Variants in COL14A1 observed in about 807,000 individuals in gnomAD.
COL14A1 encodes the protein collagen alpha-1(XIV) chain.
In COL14A1, 136 loss-of-function variants were observed where a neutral mutation model predicts 230.3. The ratio of observed to expected loss-of-function variants is 0.59; its 90% CI spans 0.51 to 0.68. The LOEUF (loss-of-function observed/expected upper bound fraction) is 0.68, where lower values mean the gene tolerates loss of function less well. COL14A1 is among the 30% of genes least tolerant of loss of function. The probability of loss-of-function intolerance (pLI) is 0.00; values close to 1 mark genes in which losing one functional copy is unlikely to be tolerated. For missense variants in COL14A1, 1,976 were observed against 2,215.8 expected (o/e 0.89, Z 2.17); for synonymous variants, 792 against 784.1 (o/e 1.01, Z -0.17).
intron 36 of COL14A1, among the ~76,000 whole-genome samples, chr8:120,309,092 G>A (rs1383978540): frequency 1.3e-5 from 2 of 151,982 alleles, no homozygotes; most frequent in East Asian, 1.9e-4. Flanking sequence ...CCGCCACCAC[G>A]CCCGGCTAAT....
intron 40 of COL14A1, among the ~76,000 whole-genome samples, chr8:120,329,763 G>A (rs570111128): frequency 2.0e-5 from 3 of 152,198 alleles, no homozygotes; most frequent in East Asian, 3.9e-4. Context: ...ATAAGTAGTA[G>A]TAAAAATAAA....
chr8:120,300,682 T>G, intron 35 of COL14A1, 50 bp from the exon 36 acceptor site: 2 of 1,380,126 alleles, frequency 1.4e-6, no homozygotes, highest in Non-Finnish European at 2.0e-6. Flanking sequence ...AGTAAAGCCA[T>G]TTGTATAAAC....
At chr8:120,348,442 A>G (rs1461358584) in intron 45 of COL14A1, among the ~76,000 whole-genome samples, 4 of 151,974 alleles carry the variant, frequency 2.6e-5, no homozygotes, top group Non-Finnish European at 5.9e-5. Flanking sequence ...GGAAAACCAA[A>G]CACCATATAT....
chr8:120,151,583 TGA>T (rs915904025), intron 2 of COL14A1, among the ~76,000 whole-genome samples: 10 of 131,514 alleles, frequency 7.6e-5, no homozygotes, highest in Non-Finnish European at 1.2e-4. Context: ...GAGGTTGCAG[TGA>T]GCTGAGATGG....
At chr8:120,127,296 T>C (rs980823046) in intron 1 of COL14A1, among the ~76,000 whole-genome samples, 3 of 152,228 alleles carry the variant, frequency 2.0e-5, no homozygotes, top group Admixed American at 6.5e-5. Flanking sequence ...TGGGGATCCC[T>C]GAGCCAGGAT....
At position 120,270,050 on chromosome 8, in the gene COL14A1, A is replaced by G. The variant is rs765653679; in HGVS notation, c.3089A>G (p.Lys1030Arg). The change falls in exon 26 of 48, where the codon AAG (lysine) becomes AGG (arginine). Residue 1030 changes from lysine to arginine, a missense_variant. Transcript: ENST00000297848. ...PPAKEVCKAA[K>R]ADLVFMVDGS... ...TGGTCTTCAGTATGTAAGGCGGCCA[A>G]GGCTGACCTGGTATTTATGGTGGAT... is the stretch of plus-strand genomic sequence containing the variant. 2.5e-6 allele frequency: 4 copies of G among 1,611,146 alleles called. No individual in the cohort carries two copies. In the African/African-American group the frequency reaches 4.0e-5, roughly 16 times the overall value.
intron 46 of COL14A1, 104 bp downstream of exon 46, chr8:120,367,352 A>G: frequency 2.2e-6 from 2 of 889,472 alleles, no homozygotes; most frequent in Non-Finnish European, 3.5e-6. Context: ...ATGTAACTTA[A>G]ATGGCTGTAT....
chr8:120,347,902 AC>A (rs1373087824), intron 45 of COL14A1, among the ~76,000 whole-genome samples: 1 of 152,180 alleles, frequency 6.6e-6, no homozygotes, highest in Non-Finnish European at 1.5e-5. Context: ...ATAATGAACT[AC>A]AAAAGCAAGA....
At chr8:120,250,804 T>G (rs745755647) in intron 22 of COL14A1, 38 bp downstream of exon 22, 1 of 1,609,494 alleles carries the variant, frequency 6.2e-7, no homozygotes. Flanking sequence ...CGCATATGGG[T>G]TTTTGTTTTG....
At chr8:120,336,799 G>A (rs977665301) in intron 42 of COL14A1, among the ~76,000 whole-genome samples, 1 of 152,108 alleles carries the variant, frequency 6.6e-6, no homozygotes, top group African/African-American at 2.4e-5. Flanking sequence ...GTTTGTCTTT[G>A]GGGATGCTAA....
chr8:120,188,893 G>A (rs1322936744), intron 5 of COL14A1, among the ~76,000 whole-genome samples: 4 of 152,140 alleles, frequency 2.6e-5, no homozygotes, highest in South Asian at 2.1e-4. Flanking sequence ...TGGGCTCCCA[G>A]GCGTGTCTGG....
intron 14 of COL14A1, among the ~76,000 whole-genome samples, chr8:120,220,090 C>G (rs1213211109): frequency 6.6e-6 from 1 of 151,750 alleles, no homozygotes; most frequent in Non-Finnish European, 1.5e-5. Flanking sequence ...TATTACTGTA[C>G]CTAATTTTAG....
At chr8:120,189,239 T>A (rs1213385467) in intron 5 of COL14A1, among the ~76,000 whole-genome samples, 1 of 152,204 alleles carries the variant, frequency 6.6e-6, no homozygotes, top group Non-Finnish European at 1.5e-5. Context: ...ACATTGTACA[T>A]GTGTACCTTA....
chr8:120,272,590 G>T (rs10096465), intron 26 of COL14A1, among the ~76,000 whole-genome samples: 1 of 151,232 alleles, frequency 6.6e-6, no homozygotes, highest in Admixed American at 6.6e-5. Context: ...AAAGTAAAGG[G>T]GTAAAAGAAG....
At chr8:120,200,938 A>G (rs904324570) in intron 8 of COL14A1, among the ~76,000 whole-genome samples, 1 of 151,236 alleles carries the variant, frequency 6.6e-6, no homozygotes, top group African/African-American at 2.4e-5. Flanking sequence ...CCAGAGGTTC[A>G]GGTTGTATCT....
In COL14A1 at chr8:120,188,516, C is replaced by T. The variant is rs118012015; in HGVS notation, c.437-8275C>T. On this transcript the variant is annotated intron_variant, in intron 5 of 47. Coordinates refer to ENST00000297848, the MANE Select transcript of COL14A1 (RefSeq NM_021110.4). The stretch of plus-strand genomic sequence containing the variant: ...GGGGATCATTTCTCCTGGACTTGTG[C>T]AATTGTTCCTTTTGATTCTATCTGT... Among the ~76,000 whole-genome samples the T allele has an allele frequency of 7.0e-3, 1,067 of 152,294 alleles. 5 individuals carry two copies. Among genetic ancestry groups the T allele is most frequent in the South Asian group, 0.021 (101 of 4,822 alleles).
In COL14A1 at chr8:120,208,282, T is replaced by C. The variant is rs1178461094; in HGVS notation, c.1242T>C (p.Ser414=). The change falls in exon 11 of 48, where the codon TCT becomes TCC. Residue 414 remains serine, a synonymous_variant. Transcript: ENST00000297848. ...VSSTVLKNLM[S]LTEYQIAVFA... ...CCACAGTGTTGAAAAACTTGATGTC[T>C]TTAACTGAATATCAGATAGCAGTCT... 1 of 1,613,752 alleles carries C rather than the reference T, an allele frequency of 6.2e-7. No homozygotes were observed. Among genetic ancestry groups the C allele is most frequent in the African/African-American group, 1.3e-5 (1 of 75,056 alleles).
chr8:120,370,314 A>T, intron 47 of COL14A1: 3 of 1,608,614 alleles, frequency 1.9e-6, no homozygotes, highest in Non-Finnish European at 2.5e-6. Flanking sequence ...CTGTTCTCTC[A>T]AATACTCCTA....
chr8:120,160,188 A>G (rs1815617122), intron 3 of COL14A1, among the ~76,000 whole-genome samples: 2 of 152,156 alleles, frequency 1.3e-5, no homozygotes, highest in South Asian at 4.1e-4. Flanking sequence ...TTTTAAAAAT[A>G]TAGCTTATTT....
Sources: allele counts gnomAD v4.1 joint callset (sites outside exome capture counted in the v4.1 genomes callset), GRCh38; gene constraint gnomAD v4.1.1; transcripts MANE v1.5; gene names NCBI Gene and HGNC (gene_info 2026-07-23, HGNC 2026-07-21).